The following CHST11 variants were observed in gnomAD, a reference collection of about 807,000 sequenced individuals.
The protein encoded by CHST11 is carbohydrate sulfotransferase 11.
In CHST11, 9 loss-of-function variants were observed where a neutral mutation model predicts 30.4. The ratio of observed to expected loss-of-function variants is 0.30; its 90% CI spans 0.18 to 0.52. CHST11 has a LOEUF of 0.52. CHST11 is among the 20% of genes least tolerant of loss of function. The pLI is 0.97. For missense variants in CHST11, 348 were observed against 460.6 expected, an observed-to-expected ratio of 0.76 and a Z score of 2.24; for synonymous variants, 152 against 187.8, an observed-to-expected ratio of 0.81 and a Z score of 1.56.
intron 1 of CHST11, among the ~76,000 whole-genome samples, chr12:104,523,912 A>G (rs2135989877): frequency 6.6e-6 from 1 of 152,258 alleles, no homozygotes; most frequent in Middle Eastern, 3.4e-3. Flanking sequence ...ACCTCACCCT[A>G]TCCACATAGC....
intron 2 of CHST11, among the ~76,000 whole-genome samples, chr12:104,756,611 A>T (rs1467944568): frequency 6.6e-6 from 1 of 151,548 alleles, no homozygotes; most frequent in Non-Finnish European, 1.5e-5. Flanking sequence ...ACAGTGGCAC[A>T]GTCATACCTC....
intron 2 of CHST11, among the ~76,000 whole-genome samples, chr12:104,650,810 A>T (rs114112517): frequency 1.3e-5 from 2 of 152,190 alleles, no homozygotes; most frequent in African/African-American, 2.4e-5. Context: ...TGCACACAGC[A>T]GGTGCTTCCT....
At chr12:104,644,711 A>C (rs1186601778) in intron 2 of CHST11, among the ~76,000 whole-genome samples, 1 of 152,242 alleles carries the variant, frequency 6.6e-6, no homozygotes, top group African/African-American at 2.4e-5. Context: ...TCTGTCTCAG[A>C]GCCCGGTGGC....
chr12:104,590,366 T>C (rs1484057545), intron 1 of CHST11, among the ~76,000 whole-genome samples: 1 of 152,216 alleles, frequency 6.6e-6, no homozygotes, highest in Non-Finnish European at 1.5e-5. Context: ...ATGACTCTTA[T>C]CAGGAAAGTT....
chr12:104,532,954 C>T (rs561152185), intron 1 of CHST11, among the ~76,000 whole-genome samples: 1 of 152,038 alleles, frequency 6.6e-6, no homozygotes, highest in African/African-American at 2.4e-5. Flanking sequence ...TTTTTATTTC[C>T]TTTTAGAGAT....
chr12:104,509,542 G>T (rs1163927034), intron 1 of CHST11, among the ~76,000 whole-genome samples: 1 of 152,166 alleles, frequency 6.6e-6, no homozygotes, highest in African/African-American at 2.4e-5. Context: ...GAAGGATTTG[G>T]CATATAATAG....
chr12:104,475,658 T>TTTTATATATATATATA (rs770441229), intron 1 of CHST11, among the ~76,000 whole-genome samples: 58 of 34,154 alleles, frequency 1.7e-3, no homozygotes, highest in South Asian at 8.6e-3. Flanking sequence ...TAAAGCAGCA[T>TTTTATATATATATATA]TATATATATA....
chr12:104,716,384 T>C (rs947294471), intron 2 of CHST11, among the ~76,000 whole-genome samples: 2 of 152,376 alleles, frequency 1.3e-5, no homozygotes, highest in Non-Finnish European at 1.5e-5. Flanking sequence ...GCAAACACTC[T>C]ATGCCTCAGT....
intron 2 of CHST11, among the ~76,000 whole-genome samples, chr12:104,679,081 G>A (rs1016640191): frequency 1.7e-4 from 26 of 152,170 alleles, no homozygotes; most frequent in African/African-American, 6.3e-4. Context: ...TGAAGGAGGA[G>A]GAAAGGCCAC....
intron 2 of CHST11, among the ~76,000 whole-genome samples, chr12:104,604,502 G>A (rs1056134032): frequency 6.6e-6 from 1 of 152,182 alleles, no homozygotes; most frequent in South Asian, 2.1e-4. Flanking sequence ...AACTGTCTTG[G>A]TGATCATTTG....
At chr12:104,671,482 G>A (rs548378992) in intron 2 of CHST11, among the ~76,000 whole-genome samples, 1 of 152,250 alleles carries the variant, frequency 6.6e-6, no homozygotes, top group African/African-American at 2.4e-5. Context: ...TTACCAGCGC[G>A]ATCATGGTTT....
Position 104,759,623 on chromosome 12 carries a change from T to G in CHST11, c.*1820T>G, listed in dbSNP as rs1327036606. ...ATTGTAAAGCTCACAGCAAGCTCAG[T>G]GGGCAGCAGCTGCAACATCTCACCG... On this transcript the variant is annotated 3_prime_UTR_variant, in exon 3 of 3. Transcript: ENST00000303694. 1 of 152,194 alleles carries G rather than the reference T, an allele frequency of 6.6e-6. No individual in the cohort carries two copies. The highest frequency in any genetic ancestry group is 1.5e-5 in the Non-Finnish European group (1 of 68,044). The allele number at this position is 152,194 out of a possible 1,614,324, so 9.4% of individuals were successfully genotyped here.
At chr12:104,619,618 C>T (rs1459318374) in intron 2 of CHST11, among the ~76,000 whole-genome samples, 1 of 152,084 alleles carries the variant, frequency 6.6e-6, no homozygotes, top group African/African-American at 2.4e-5. Flanking sequence ...TAACAAGAAG[C>T]CCTAAGTGAG....
chr12:104,757,915 T>C lies in CHST11; in HGVS notation c.*112T>C, dbSNP rs182236318. On this transcript the variant is annotated 3_prime_UTR_variant, in exon 3 of 3. Coordinates refer to ENST00000303694, the MANE Select transcript of CHST11 (RefSeq NM_018413.6). This position sits in a 1 kb window ranked among gnomAD's most constrained non-coding sequence, Gnocchi z 6.5. The stretch of plus-strand genomic sequence containing the variant: ...TAAATTAATATTTCTTTGGGGATGA[T>C]GCTGCGAGCAGCATAGTGAGAATTA... 41 of 1,144,136 alleles carry C rather than the reference T, an allele frequency of 3.6e-5. No individual in the cohort carries two copies. In the East Asian group the frequency reaches 9.9e-4, roughly 28 times the overall value. The allele number at this position is 1,144,136 out of a possible 1,614,324, so 70.9% of individuals were successfully genotyped here. A position where few individuals can be genotyped will look rare whatever the true frequency, so the allele number is the denominator to read the frequency against.
intron 1 of CHST11, among the ~76,000 whole-genome samples, chr12:104,496,434 G>C (rs1001398498): frequency 2.0e-5 from 3 of 152,252 alleles, no homozygotes; most frequent in African/African-American, 7.2e-5. Context: ...TGAAGTGACT[G>C]CTGGCCACAA....
chr12:104,549,958 A>G (rs571548477), intron 1 of CHST11, among the ~76,000 whole-genome samples: 5 of 152,094 alleles, frequency 3.3e-5, no homozygotes. Flanking sequence ...TGAAACGATG[A>G]CTCACTTCAG....
intron 1 of CHST11, among the ~76,000 whole-genome samples, chr12:104,527,243 C>T (rs1024851925): frequency 1.3e-5 from 2 of 152,178 alleles, no homozygotes; most frequent in African/African-American, 4.8e-5. Flanking sequence ...CCTTATCTTC[C>T]AGCCTCCAGA....
intron 2 of CHST11, among the ~76,000 whole-genome samples, chr12:104,756,643 G>A (rs941060039): frequency 7.9e-5 from 12 of 151,968 alleles, no homozygotes; most frequent in African/African-American, 2.4e-4. Context: ...GAACTCTGGG[G>A]CTTAAGTGAT....
intron 2 of CHST11, among the ~76,000 whole-genome samples, chr12:104,683,801 ATCTG>A (rs2039820127): frequency 6.6e-6 from 1 of 152,190 alleles, no homozygotes; most frequent in African/African-American, 2.4e-5. Flanking sequence ...GAATGAAGGA[ATCTG>A]TCGGTGAATA....
Sources: gnomAD v4.1 joint callset for allele counts (sites outside exome capture counted in the v4.1 genomes callset) on GRCh38, gnomAD v4.1.1 for gene constraint, Gnocchi (gnomAD v3.1) non-coding constraint, MANE v1.5 for transcripts, NCBI Gene and HGNC (gene_info 2026-07-23, HGNC 2026-07-21) for gene names.